LCP1: variants seen among roughly 807,000 people sequenced by gnomAD.
LCP1 encodes the protein plastin-2.
LCP1 carries 23 observed loss-of-function variants against 72.0 expected under a neutral mutation model. The observed-to-expected ratio is 0.32, with a 90% CI of 0.23 to 0.45. LCP1 has a LOEUF of 0.45. Ranked by LOEUF, LCP1 falls within the 20% of genes least tolerant of loss-of-function variation. The pLI is 1.00. For synonymous variants in LCP1, 245 were observed against 275.4 expected, an observed-to-expected ratio of 0.89 and a Z score of 1.09; for missense variants, 571 against 748.3, an observed-to-expected ratio of 0.76 and a Z score of 2.76.
rs1407029247 is a variant in LCP1 at position 46,127,398 on chromosome 13, T to C, written c.*193A>G. The stretch of plus-strand genomic sequence containing the variant: ...GAATAGAAACCTATATATAGGAGGT[T>C]GGGCCTCCTGCAAAGAATGAAGCAC... On this transcript the variant is annotated 3_prime_UTR_variant, in exon 16 of 16. Coordinates refer to ENST00000323076, the MANE Select transcript of LCP1 (RefSeq NM_002298.5). 1.8e-6 allele frequency: 1 copy of C among 568,762 alleles called. No homozygotes were observed. Among genetic ancestry groups the C allele is most frequent in the Non-Finnish European group, 3.1e-6 (1 of 327,312 alleles). 35.2% of individuals were successfully genotyped at this position (568,762 alleles called of 1,614,324 possible).
At chr13:46,154,462 G>A (rs56797349) in intron 6 of LCP1, among the ~76,000 whole-genome samples, 1,551 of 152,174 alleles carry the variant, frequency 0.01, 17 homozygotes, top group African/African-American at 0.036. Flanking sequence ...TCACCCCCTC[G>A]CTTCTTAGAA....
At chr13:46,156,609 A>C (rs770968455) in intron 4 of LCP1, 39 bp from the exon 5 acceptor site, 3 of 1,612,608 alleles carry the variant, frequency 1.9e-6, no homozygotes, top group African/African-American at 1.3e-5. Flanking sequence ...TTGCAAAGTG[A>C]AACTCTATTA....
chr13:46,130,879 A>G lies in LCP1; in HGVS notation c.1686T>C (p.Gly562=). The change falls in exon 15 of 16, where the codon GGT becomes GGC. Residue 562 remains glycine, a synonymous_variant. Coordinates refer to ENST00000323076, the MANE Select transcript of LCP1 (RefSeq NM_002298.5). The part of the protein sequence containing the change: ...VLDLIDAIQP[G]SINYDLLKTE... ...TCTTCAGAAGGTCATAGTTAATGGAACCTGGTTGGATGGCATCGATGAGGT... is the reference window on the plus strand; with the variant it reads ...TCTTCAGAAGGTCATAGTTAATGGAGCCTGGTTGGATGGCATCGATGAGGT... The G allele has an allele frequency of 6.2e-7, 1 of 1,613,176 alleles. No individual in the cohort carries two copies. The highest frequency in any genetic ancestry group is 1.1e-5 in the South Asian group (1 of 90,872).
At chr13:46,144,623 T>C in intron 10 of LCP1, 103 bp from the exon 11 acceptor site, 1 of 768,442 alleles carries the variant, frequency 1.3e-6, no homozygotes, top group East Asian at 2.5e-5. Flanking sequence ...GAAAGTAGAA[T>C]GAAAGAAAGA....
chr13:46,149,600 G>C (rs1277482042), intron 8 of LCP1, among the ~76,000 whole-genome samples: 2 of 152,194 alleles, frequency 1.3e-5, no homozygotes, highest in Non-Finnish European at 2.9e-5. Flanking sequence ...GTTGCTGGCT[G>C]GCTACTCAGA....
Position 46,155,048 on chromosome 13 carries a change from A to G in LCP1, c.492-162T>C, listed in dbSNP as rs192380256. ...TATGCCGTTTGACTAGACTCAAACT[A>G]TCTGCGGGAAAGGTGAATACTACTG... On this transcript the variant is annotated intron_variant, in intron 5 of 15. Coordinates refer to ENST00000323076, the MANE Select transcript of LCP1 (RefSeq NM_002298.5). Among the ~76,000 whole-genome samples, 23 of 152,352 alleles carry G rather than the reference A, an allele frequency of 1.5e-4. No individual in the cohort carries two copies. The East Asian group carries it at 4.2e-3, about 28-fold the overall frequency.
Position 46,152,828 on chromosome 13 carries a change from CT to C in LCP1, c.690del (p.Val231SerfsTer18). On this transcript the variant is annotated frameshift_variant, in exon 7 of 16. Transcript: ENST00000323076. LOFTEE classifies it high-confidence loss of function. ...TCAGCAAACAACCCAATCTTGATGA[CT>C]TGCCACAGAAGTCCCAGGACCAGAT... ...KPYLVLGLLW[Q>X]VIKIGLFADI... 1 of 1,614,132 alleles carries C rather than the reference CT, an allele frequency of 6.2e-7. No homozygotes were observed. Among genetic ancestry groups the C allele is most frequent in the Non-Finnish European group, 8.5e-7 (1 of 1,180,008 alleles).
intron 6 of LCP1, chr13:46,153,173 C>T (rs1405557954): frequency 5.2e-6 from 2 of 384,238 alleles, no homozygotes; most frequent in African/African-American, 2.1e-5. Flanking sequence ...CAAACCAGCA[C>T]CATAAGTTGA....
chr13:46,180,814 A>G (rs143589227), intron 1 of LCP1, among the ~76,000 whole-genome samples: 213 of 152,362 alleles, frequency 1.4e-3, no homozygotes, highest in Non-Finnish European at 2.6e-3. Context: ...TATTCTCATT[A>G]ATAGTTTTAC....
rs770956845 is a variant in LCP1, at chr13:46,143,304, C to T, written c.1354G>A (p.Gly452Ser). ...TCATTGTTTACCTTCTTCATATTGCCTCCCAGTTTGGGGTATGGCGGTTTG... is the reference window on the plus strand; with the variant it reads ...TCATTGTTTACCTTCTTCATATTGCTTCCCAGTTTGGGGTATGGCGGTTTG... ...VNKPPYPKLG[G>S]NMKKLENCNY... Residue 452 changes from glycine (G) to serine (S), a missense_variant, in exon 12 of 16, where the codon GGC (glycine) becomes AGC (serine). Physicochemically the swap from Gly to Ser is moderately conservative, Grantham distance 56 (BLOSUM62 0). Coordinates refer to ENST00000323076, the MANE Select transcript of LCP1 (RefSeq NM_002298.5). 1 of 1,612,410 alleles carries T rather than the reference C, an allele frequency of 6.2e-7. No individual in the cohort carries two copies. The highest frequency in any genetic ancestry group is 8.5e-7 in the Non-Finnish European group (1 of 1,178,452).
At chr13:46,179,021 AG>A (rs1171345219) in intron 1 of LCP1, among the ~76,000 whole-genome samples, 1 of 152,238 alleles carries the variant, frequency 6.6e-6, no homozygotes, top group Non-Finnish European at 1.5e-5. Flanking sequence ...ACTAAGTAAA[AG>A]TTAACAACTG....
chr13:46,175,449 C>T (rs1200556752), intron 1 of LCP1, among the ~76,000 whole-genome samples: 2 of 152,236 alleles, frequency 1.3e-5, no homozygotes, highest in East Asian at 1.9e-4. Context: ...TCTACCTTTG[C>T]TCCCCTTTCT....
At chr13:46,140,303 A>G (rs1159860621) in intron 13 of LCP1, among the ~76,000 whole-genome samples, 1 of 152,160 alleles carries the variant, frequency 6.6e-6, no homozygotes, top group East Asian at 1.9e-4. Context: ...TGTGGGGAAA[A>G]ACCCACCAGA....
intron 13 of LCP1, among the ~76,000 whole-genome samples, chr13:46,139,816 A>G (rs903220366): frequency 6.6e-6 from 1 of 152,118 alleles, no homozygotes; most frequent in African/African-American, 2.4e-5. Context: ...TACTTCTCAC[A>G]TTAGTCAAGT....
chr13:46,142,314 A>T lies in LCP1; in HGVS notation c.1480T>A (p.Leu494Met). The stretch of plus-strand genomic sequence containing the variant: ...TACCTTCTCATTAGCTGCCAAATCA[A>T]GGCCAGTGTGAGAGTGCGGTTTCCT... Reference protein sequence around the residue: ...NEGNRTLTLALIWQLMRRYTL... With the variant: ...NEGNRTLTLAMIWQLMRRYTL... The change falls in exon 13 of 16, where the codon TTG becomes ATG. Residue 494 changes from leucine to methionine, a missense_variant. Transcript: ENST00000323076. 6.2e-7 allele frequency: 1 copy of T among 1,613,822 alleles called. No individual in the cohort carries two copies. Among genetic ancestry groups the T allele is most frequent in the Admixed American group, 1.7e-5 (1 of 60,022 alleles).
rs568606030 is a variant in LCP1, at chr13:46,178,106, G to T, written c.-25+4005C>A. 6.6e-5 allele frequency among the ~76,000 whole-genome samples: 10 copies of T among 152,204 alleles called. No individual in the cohort carries two copies. In the South Asian group the frequency reaches 2.1e-3, roughly 32 times the overall value. ...AATTGTAGAAAATTAAATAAAATAC[G>T]TGAATGAATGAACTTGCCTTCAAAT... is the stretch of plus-strand genomic sequence containing the variant. On this transcript the variant is annotated intron_variant, in intron 1 of 15. Coordinates refer to ENST00000323076, the MANE Select transcript of LCP1 (RefSeq NM_002298.5).
intron 1 of LCP1, among the ~76,000 whole-genome samples, chr13:46,163,228 A>G (rs1251386052): frequency 6.6e-6 from 1 of 152,258 alleles, no homozygotes; most frequent in African/African-American, 2.4e-5. Context: ...TAGAGAAATC[A>G]GATTGTTGCT....
chr13:46,147,779 C>T (rs1484188743), intron 9 of LCP1, among the ~76,000 whole-genome samples: 1 of 152,060 alleles, frequency 6.6e-6, no homozygotes, highest in Non-Finnish European at 1.5e-5. Flanking sequence ...AAATATGGCC[C>T]ACTGTCCTTA....
At chr13:46,131,827 A>C (rs117263888) in intron 14 of LCP1, among the ~76,000 whole-genome samples, 356 of 152,252 alleles carry the variant, frequency 2.3e-3, no homozygotes, top group Middle Eastern at 0.014. Context: ...ACATAAAGGT[A>C]GGAACAATAG....
Sources: gnomAD v4.1 joint callset for allele counts (sites outside exome capture counted in the v4.1 genomes callset) on GRCh38, gnomAD v4.1.1 for gene constraint, MANE v1.5 for transcripts, NCBI Gene and HGNC (gene_info 2026-07-23, HGNC 2026-07-21) for gene names.